The following NPEPL1 variants were observed in gnomAD, a reference collection of about 807,000 sequenced individuals.
NPEPL1 encodes aminopeptidase like 1, also known as probable aminopeptidase NPEPL1.
A neutral mutation model predicts 52.4 loss-of-function variants in NPEPL1; 45 were observed. That is an observed-to-expected ratio of 0.86 (90% CI 0.68 to 1.10). The LOEUF is 1.10. NPEPL1 is among the 50% of genes least tolerant of loss of function. NPEPL1 has a pLI of 0.00. For missense variants in NPEPL1, 696 were observed against 710.9 expected, an observed-to-expected ratio of 0.98 and a Z score of 0.24; for synonymous variants, 360 against 314.7, an observed-to-expected ratio of 1.14 and a Z score of -1.52.
intron 6 of NPEPL1, chr20:58,705,529 A>G (rs1164669667): frequency 1.5e-5 from 7 of 456,128 alleles, no homozygotes; most frequent in Non-Finnish European, 3.1e-5. Flanking sequence ...TGGCTCCCGG[A>G]CCTCTTTGGG....
rs377087764 is a variant in NPEPL1 at position 58,712,747 on chromosome 20, G to A, written c.1001+168G>A. 92 of 693,340 alleles carry A rather than the reference G, an allele frequency of 1.3e-4. 1 individual carries two copies. The highest frequency in any genetic ancestry group is 4.7e-4 in the African/African-American group (27 of 57,128). The allele number at this position is 693,340 out of a possible 1,614,324, so 42.9% of individuals were successfully genotyped here. A position where few individuals can be genotyped will look rare whatever the true frequency, so the allele number is the denominator to read the frequency against. ...GGGCTGGGGAGCTTTGGTAGCAGGCGCACCTCACGTTGAGGGGCCCATGGC... is the reference window on the plus strand; with the variant it reads ...GGGCTGGGGAGCTTTGGTAGCAGGCACACCTCACGTTGAGGGGCCCATGGC... On this transcript the variant is annotated intron_variant, in intron 8 of 11. Transcript: ENST00000356091.
intron 6 of NPEPL1, among the ~76,000 whole-genome samples, chr20:58,701,927 T>G: frequency 6.6e-6 from 1 of 152,162 alleles, no homozygotes; most frequent in Non-Finnish European, 1.5e-5. Context: ...TGGCCGAGTC[T>G]GCCCGCCCCA....
chr20:58,708,715 C>T (rs1169205488), intron 7 of NPEPL1, among the ~76,000 whole-genome samples: 1 of 152,182 alleles, frequency 6.6e-6, no homozygotes, highest in Non-Finnish European at 1.5e-5. Context: ...GCTCCCACTA[C>T]CTGGCCCTCC....
At chr20:58,712,896 C>T (rs1368467938) in intron 8 of NPEPL1, 4 of 426,948 alleles carry the variant, frequency 9.4e-6, no homozygotes, top group African/African-American at 4.0e-5. Flanking sequence ...GAAGCTCTGA[C>T]CCCCAGATTC....
rs1016313137 is a variant in NPEPL1 at position 58,695,511 on chromosome 20, C to T, written c.507+919C>T. Among the ~76,000 whole-genome samples the T allele has an allele frequency of 4.6e-5, 7 of 152,328 alleles. 1 individual carries two copies. The South Asian group carries it at 6.2e-4, about 14-fold the overall frequency. On this transcript the variant is annotated intron_variant, in intron 3 of 11. Transcript: ENST00000356091. ...CCCACGGCAGCGGTCCCAGCCTCTG[C>T]GCCTGCCACCTCCAGTCCCCGAGCC...
chr20:58,707,220 C>T lies in NPEPL1; in HGVS notation c.900+20C>T. 1.3e-6 allele frequency: 2 copies of T among 1,542,216 alleles called. No homozygotes were observed. The highest frequency in any genetic ancestry group is 2.7e-5 in the African/African-American group (2 of 73,136). On this transcript the variant is annotated intron_variant, in intron 7 of 11. Coordinates refer to ENST00000356091, the MANE Select transcript of NPEPL1 (RefSeq NM_024663.4). ...AAGCAGGTGAGTGGGCCCTGCCCGCCCTCTGCAGGGGCATCCTGGGTGTGC... is the reference window on the plus strand; with the variant it reads ...AAGCAGGTGAGTGGGCCCTGCCCGCTCTCTGCAGGGGCATCCTGGGTGTGC...
chr20:58,701,622 CAAGCAGGGCCAGGG>C (rs2084624239), intron 6 of NPEPL1, among the ~76,000 whole-genome samples: 1 of 152,106 alleles, frequency 6.6e-6, no homozygotes, highest in South Asian at 2.1e-4. Flanking sequence ...GAAGAAATGG[CAAGCAGGGCCAGGG>C]AGGCAGGGCT....
At chr20:58,702,917 T>A (rs2084663561) in intron 6 of NPEPL1, among the ~76,000 whole-genome samples, 1 of 152,260 alleles carries the variant, frequency 6.6e-6, no homozygotes, top group Admixed American at 6.5e-5. Context: ...TTCTTGTGGC[T>A]TTCAGATGTC....
intron 6 of NPEPL1, among the ~76,000 whole-genome samples, chr20:58,702,091 C>T (rs913253993): frequency 6.6e-6 from 1 of 152,222 alleles, no homozygotes; most frequent in East Asian, 1.9e-4. Flanking sequence ...GGAGTGCATC[C>T]GCAGCAGACA....
At chr20:58,700,437 A>C (rs1233349208) in intron 5 of NPEPL1, among the ~76,000 whole-genome samples, 2 of 152,224 alleles carry the variant, frequency 1.3e-5, no homozygotes, top group African/African-American at 2.4e-5. Flanking sequence ...TGGATCTTAC[A>C]GGATGAGTTG....
At chr20:58,707,842 C>T (rs544470229) in intron 7 of NPEPL1, among the ~76,000 whole-genome samples, 2 of 152,238 alleles carry the variant, frequency 1.3e-5, no homozygotes, top group South Asian at 2.1e-4. Flanking sequence ...CTTTGGGAGG[C>T]GGAGGCAGGA....
rs2084902490 is a variant in NPEPL1, at chr20:58,713,767, G to A, written c.1126-150G>A. 2 of 1,076,672 alleles carry A rather than the reference G, an allele frequency of 1.9e-6. No homozygotes were observed. Among genetic ancestry groups the A allele is most frequent in the Non-Finnish European group, 2.5e-6 (2 of 789,946 alleles). The allele number at this position is 1,076,672 out of a possible 1,614,324, so 66.7% of individuals were successfully genotyped here. The stretch of plus-strand genomic sequence containing the variant: ...CGCCTCCTGTGTGCTTCATGGCCAT[G>A]GTCCTTTCTGCCTGTGTTTTTTCTT... On this transcript the variant is annotated intron_variant, in intron 9 of 11. Coordinates refer to ENST00000356091, the MANE Select transcript of NPEPL1 (RefSeq NM_024663.4). The surrounding 1 kb of genome is among the most constrained non-coding windows in gnomAD (Gnocchi z 4.6).
intron 6 of NPEPL1, among the ~76,000 whole-genome samples, chr20:58,702,872 C>CAACA (rs928508945): frequency 3.3e-5 from 5 of 152,244 alleles, no homozygotes; most frequent in African/African-American, 1.2e-4. Flanking sequence ...CCAGCAATCA[C>CAACA]AACACCCACT....
intron 10 of NPEPL1, 53 bp from the exon 11 acceptor site, chr20:58,714,507 A>C: frequency 7.5e-7 from 1 of 1,329,662 alleles, no homozygotes; most frequent in African/African-American, 1.5e-5. Context: ...GGCAGGGTGG[A>C]GAGGGCCCGG....
chr20:58,699,076 A>G, intron 4 of NPEPL1, 121 bp from the exon 5 acceptor site: 1 of 935,346 alleles, frequency 1.1e-6, no homozygotes, highest in Non-Finnish European at 1.7e-6. Flanking sequence ...GCTGGCTCCC[A>G]AGCCCGGCTC....
At chr20:58,704,427 C>T in intron 6 of NPEPL1, 1 of 941,608 alleles carries the variant, frequency 1.1e-6, no homozygotes, top group Non-Finnish European at 1.3e-6. Flanking sequence ...TTTTGTATAA[C>T]AATGTCTATT....
chr20:58,708,583 G>T (rs1402596885), intron 7 of NPEPL1, among the ~76,000 whole-genome samples: 1 of 151,966 alleles, frequency 6.6e-6, no homozygotes, highest in Non-Finnish European at 1.5e-5. Flanking sequence ...GGCTGGAGGA[G>T]GAGCATGTGT....
chr20:58,701,199 G>A (rs779101502), intron 6 of NPEPL1, 41 bp downstream of exon 6: 1 of 1,418,352 alleles, frequency 7.1e-7, no homozygotes, highest in South Asian at 1.4e-5. Flanking sequence ...TGGGGGAGGG[G>A]AGGGGAAGGT....
chr20:58,692,731 G>A (rs1030252559), upstream of NPEPL1: 412 of 826,850 alleles, frequency 5.0e-4, no homozygotes, highest in African/African-American at 7.1e-3. This position sits in a 1 kb window ranked among gnomAD's most constrained non-coding sequence, Gnocchi z 5.7. Context: ...CTCGCGCCCC[G>A]GGCGGGCCCT....
Sources: gnomAD v4.1 joint callset for allele counts (sites outside exome capture counted in the v4.1 genomes callset) on GRCh38, gnomAD v4.1.1 for gene constraint, Gnocchi (gnomAD v3.1) non-coding constraint, MANE v1.5 for transcripts, NCBI Gene and HGNC (gene_info 2026-07-23, HGNC 2026-07-21) for gene names.